Variants in USH2A observed in about 807,000 individuals in gnomAD.
The protein encoded by USH2A is Usher syndrome 2A (autosomal recessive, mild).
Under a neutral mutation model 538.9 loss-of-function variants are expected in USH2A, and 443 were observed. The observed-to-expected ratio is 0.82, with a 90% CI of 0.76 to 0.89. The LOEUF (loss-of-function observed/expected upper bound fraction) is 0.89, where lower values mean the gene tolerates loss of function less well. USH2A is among the 40% of genes least tolerant of loss of function. The pLI, the probability that USH2A is intolerant of heterozygous loss-of-function variation, is 0.00. For missense variants in USH2A, 6,633 were observed against 6,324.8 expected, an observed-to-expected ratio of 1.05 and a Z score of -1.65; for synonymous variants, 2,413 against 2,273.5, an observed-to-expected ratio of 1.06 and a Z score of -1.75.
intron 38 of USH2A, among the ~76,000 whole-genome samples, chr1:215,907,063 AAT>A (rs138087895): frequency 4.7e-4 from 72 of 152,030 alleles, no homozygotes; most frequent in Non-Finnish European, 9.0e-4. Context: ...CACATTATTG[AAT>A]AGTCTTTATC....
chr1:215,888,289 C>T, intron 41 of USH2A, 137 bp downstream of exon 41: 2 of 1,380,968 alleles, frequency 1.4e-6, no homozygotes, highest in Non-Finnish European at 2.0e-6. Context: ...GGGCCAAAGG[C>T]CAAAACCCAG....
intron 41 of USH2A, among the ~76,000 whole-genome samples, chr1:215,884,920 A>G (rs1366792325): frequency 2.0e-5 from 3 of 152,222 alleles, no homozygotes; most frequent in Non-Finnish European, 2.9e-5. Flanking sequence ...AGGAGCTGAC[A>G]GCTGCAGGAT....
chr1:215,876,239 T>G (rs1268539754), intron 43 of USH2A, among the ~76,000 whole-genome samples: 1 of 152,170 alleles, frequency 6.6e-6, no homozygotes, highest in Admixed American at 6.5e-5. Flanking sequence ...AACATGGATC[T>G]GCTAGTAATT....
At chr1:216,128,022 T>C (rs961294503) in intron 21 of USH2A, among the ~76,000 whole-genome samples, 7 of 152,278 alleles carry the variant, frequency 4.6e-5, no homozygotes, top group African/African-American at 1.7e-4. Context: ...GGATGTTTAA[T>C]TTGCTAACTT....
chr1:216,415,769 G>A (rs908939680), intron 3 of USH2A, among the ~76,000 whole-genome samples: 20 of 151,856 alleles, frequency 1.3e-4, no homozygotes, highest in East Asian at 9.7e-4. Flanking sequence ...CGAGCTATCC[G>A]TTCACTTCTA....
intron 54 of USH2A, among the ~76,000 whole-genome samples, chr1:215,780,764 G>A (rs1343672800): frequency 2.0e-5 from 3 of 152,174 alleles, no homozygotes; most frequent in African/African-American, 7.2e-5. Context: ...ACTTTTGACT[G>A]GGCCAATCAG....
intron 21 of USH2A, among the ~76,000 whole-genome samples, chr1:216,121,609 T>C (rs1386358177): frequency 6.6e-6 from 1 of 152,180 alleles, no homozygotes; most frequent in Non-Finnish European, 1.5e-5. Flanking sequence ...GCTATGCTAA[T>C]TACTGTCATA....
chr1:215,640,863 G>C, intron 67 of USH2A, 129 bp from the exon 68 acceptor site: 1 of 704,248 alleles, frequency 1.4e-6, no homozygotes, highest in East Asian at 3.2e-5. Flanking sequence ...AAAAAAAAAA[G>C]AAAACCAACA....
At chr1:215,813,286 C>T (rs1662754430) in intron 49 of USH2A, among the ~76,000 whole-genome samples, 1 of 152,092 alleles carries the variant, frequency 6.6e-6, no homozygotes, top group Non-Finnish European at 1.5e-5. Flanking sequence ...AGAATATTGC[C>T]AGTGGCCTAG....
intron 44 of USH2A, among the ~76,000 whole-genome samples, chr1:215,851,595 A>G (rs1664016249): frequency 6.6e-6 from 1 of 152,184 alleles, no homozygotes; most frequent in Admixed American, 6.5e-5. Context: ...TTCACAGCGG[A>G]ATTCTATCAG....
intron 2 of USH2A, 111 bp from the exon 3 acceptor site, chr1:216,418,790 T>C: frequency 1.8e-6 from 2 of 1,101,420 alleles, no homozygotes; most frequent in Non-Finnish European, 1.4e-6. Flanking sequence ...TTGCTCAAAA[T>C]GGTGTACTAT....
chr1:216,115,487 C>T lies in USH2A; in HGVS notation c.4628-18274G>A, dbSNP rs1343007345. On this transcript the variant is annotated intron_variant, in intron 21 of 71. Transcript: ENST00000307340. ...TTGTCAATACAAGATCAAGATTTCTCAAGAAAAAATATATGAAAGTACATT... is the reference window on the plus strand; with the variant it reads ...TTGTCAATACAAGATCAAGATTTCTTAAGAAAAAATATATGAAAGTACATT... Among the ~76,000 whole-genome samples, 3 of 152,038 alleles carry T rather than the reference C, an allele frequency of 2.0e-5. No individual in the cohort carries two copies. The East Asian group carries it at 5.8e-4, about 29-fold the overall frequency.
chr1:216,190,150 G>C (rs1209350633), intron 20 of USH2A, 73 bp downstream of exon 20: 1 of 1,583,952 alleles, frequency 6.3e-7, no homozygotes, highest in East Asian at 2.3e-5. Context: ...CTCAAGTAGA[G>C]AAGGTGTTGA....
chr1:216,194,912 CAT>C (rs993249947), intron 19 of USH2A, among the ~76,000 whole-genome samples: 3 of 152,042 alleles, frequency 2.0e-5, no homozygotes, highest in Admixed American at 2.0e-4. Context: ...TGGGACATAA[CAT>C]GTAGTAATTT....
At chr1:215,873,772 C>T (rs1664681947) in intron 43 of USH2A, among the ~76,000 whole-genome samples, 1 of 136,200 alleles carries the variant, frequency 7.3e-6, no homozygotes, top group Admixed American at 7.6e-5. Flanking sequence ...CGAGGAATCA[C>T]ATAGAGGTCT....
chr1:216,119,257 C>G (rs909414889), intron 21 of USH2A, among the ~76,000 whole-genome samples: 2 of 152,158 alleles, frequency 1.3e-5, no homozygotes, highest in African/African-American at 2.4e-5. Context: ...CTCTAGTACA[C>G]TAAAAACCAT....
chr1:216,003,190 GT>G (rs1013497511), intron 32 of USH2A, among the ~76,000 whole-genome samples: 19 of 152,180 alleles, frequency 1.2e-4, no homozygotes, highest in African/African-American at 4.3e-4. Flanking sequence ...GCTTGAGAGG[GT>G]TAGAATGGCT....
At chr1:216,107,558 C>A (rs1288089123) in intron 21 of USH2A, among the ~76,000 whole-genome samples, 2 of 151,350 alleles carry the variant, frequency 1.3e-5, no homozygotes, top group Non-Finnish European at 1.5e-5. Flanking sequence ...CTTATTTAGC[C>A]AGTTTAATAA....
intron 49 of USH2A, among the ~76,000 whole-genome samples, chr1:215,803,696 T>C (rs1224945952): frequency 6.6e-6 from 1 of 151,998 alleles, no homozygotes; most frequent in Non-Finnish European, 1.5e-5. Flanking sequence ...ATCACGAAAA[T>C]GGCCATACCG....
Sources: allele counts gnomAD v4.1 joint callset (sites outside exome capture counted in the v4.1 genomes callset), GRCh38; gene constraint gnomAD v4.1.1; transcripts MANE v1.5; gene names NCBI Gene and HGNC (gene_info 2026-07-23, HGNC 2026-07-21).